The following PIP5K1B variants were observed in gnomAD, a reference collection of about 807,000 sequenced individuals.
PIP5K1B encodes the protein phosphatidylinositol-4-phosphate 5-kinase type 1 beta, also known as phosphatidylinositol 4-phosphate 5-kinase type-1 beta.
Under a neutral mutation model 67.0 loss-of-function variants are expected in PIP5K1B, and 42 were observed. That is an observed-to-expected ratio of 0.63 (90% CI 0.49 to 0.81). The LOEUF is 0.81. PIP5K1B is among the 30% of genes least tolerant of loss of function. The pLI is 0.00. For synonymous variants in PIP5K1B, 214 were observed against 231.4 expected (o/e 0.92, Z 0.68); for missense variants, 459 against 646.3 (o/e 0.71, Z 3.14).
At chr9:68,947,359 C>T (rs905076543) in intron 14 of PIP5K1B, among the ~76,000 whole-genome samples, 1 of 152,202 alleles carries the variant, frequency 6.6e-6, no homozygotes, top group African/African-American at 2.4e-5. Context: ...CCTCCAGAGA[C>T]ACTGCCCTGA....
intron 1 of PIP5K1B, among the ~76,000 whole-genome samples, chr9:68,725,951 G>A (rs764636211): frequency 5.9e-5 from 9 of 152,182 alleles, no homozygotes; most frequent in Non-Finnish European, 1.2e-4. Flanking sequence ...AGGATGATTA[G>A]TGTTTTACTT....
At chr9:68,749,739 G>A (rs1829524429) in intron 2 of PIP5K1B, among the ~76,000 whole-genome samples, 1 of 152,174 alleles carries the variant, frequency 6.6e-6, no homozygotes, top group South Asian at 2.1e-4. Flanking sequence ...AACATTCTTT[G>A]TTGTGGGGCG....
At chr9:68,979,526 T>C (rs1307007888) in intron 14 of PIP5K1B, among the ~76,000 whole-genome samples, 5 of 1,450 alleles carry the variant, frequency 3.4e-3, no homozygotes, top group Admixed American at 0.011. Flanking sequence ...GGAACCCTTT[T>C]TATATTTATA....
rs573771745 is a variant in PIP5K1B, at chr9:68,825,794, A to G, written c.69+3111A>G. The stretch of plus-strand genomic sequence containing the variant: ...ACAGTAGTCTATAATGAGGAGTTCA[A>G]AAGGGAAGAAACCAATGTTGTTAGA... On this transcript the variant is annotated intron_variant, in intron 4 of 15. Coordinates refer to ENST00000265382, the MANE Select transcript of PIP5K1B (RefSeq NM_003558.4). Among the ~76,000 whole-genome samples, 6 of 152,310 alleles carry G rather than the reference A, an allele frequency of 3.9e-5. No individual in the cohort carries two copies. The East Asian group carries it at 9.6e-4, about 24-fold the overall frequency.
chr9:68,956,296 C>A (rs951773561), intron 14 of PIP5K1B, among the ~76,000 whole-genome samples: 2 of 152,228 alleles, frequency 1.3e-5, no homozygotes, highest in East Asian at 3.9e-4. Context: ...CATGGGAAAA[C>A]CCCATCTCTA....
chr9:68,813,845 G>C (rs896440211), intron 2 of PIP5K1B, among the ~76,000 whole-genome samples: 1 of 152,158 alleles, frequency 6.6e-6, no homozygotes, highest in East Asian at 1.9e-4. Flanking sequence ...GAATTCAATC[G>C]AGTCTCAGAG....
intron 14 of PIP5K1B, chr9:68,966,665 A>G (rs1766345162): frequency 3.9e-5 from 6 of 152,264 alleles, no homozygotes; most frequent in Admixed American, 3.9e-4. Flanking sequence ...CATGGTATCC[A>G]GAGTGGGACT....
At chr9:68,899,184 C>T (rs1386132273) in intron 8 of PIP5K1B, among the ~76,000 whole-genome samples, 1 of 152,106 alleles carries the variant, frequency 6.6e-6, no homozygotes, top group African/African-American at 2.4e-5. Flanking sequence ...TCTGCTGGAC[C>T]GTTCTTCCCC....
intron 8 of PIP5K1B, among the ~76,000 whole-genome samples, chr9:68,897,305 C>T (rs1476709138): frequency 6.6e-6 from 1 of 152,216 alleles, no homozygotes; most frequent in Non-Finnish European, 1.5e-5. Flanking sequence ...CTTCTATTCA[C>T]TTATCAGCAC....
rs540036307 is a variant in PIP5K1B, at chr9:68,840,135, G to A, written c.69+17452G>A. 2.6e-5 allele frequency among the ~76,000 whole-genome samples: 4 copies of A among 152,332 alleles called. 1 individual carries two copies. In the South Asian group the frequency reaches 6.2e-4, roughly 24 times the overall value. ...CACATGCCTGTAATCCCAGCACGTT[G>A]GGAGGCCAAGGCGGGCAGATCACCT... is the stretch of plus-strand genomic sequence containing the variant. On this transcript the variant is annotated intron_variant, in intron 4 of 15. Transcript: ENST00000265382.
chr9:68,991,042 C>A, intron 14 of PIP5K1B, 98 bp from the exon 15 acceptor site: 1 of 727,992 alleles, frequency 1.4e-6, no homozygotes, highest in Non-Finnish European at 2.5e-6. Context: ...ATTGTTTATC[C>A]CCAAAAGCTG....
chr9:68,894,282 G>C (rs957047031), intron 7 of PIP5K1B, 57 bp from the exon 8 acceptor site: 30 of 1,037,302 alleles, frequency 2.9e-5, no homozygotes, highest in Admixed American at 2.1e-5. Context: ...CTTTAGTGGA[G>C]CATTATTTTG....
At chr9:68,788,318 C>T (rs779755935) in intron 2 of PIP5K1B, 9 of 810,100 alleles carry the variant, frequency 1.1e-5, no homozygotes, top group Non-Finnish European at 1.6e-5. Context: ...CAGGTTCAAA[C>T]TTGGAACTTT....
intron 2 of PIP5K1B, chr9:68,783,702 C>A (rs992796070): frequency 6.0e-6 from 1 of 167,012 alleles, no homozygotes; most frequent in Non-Finnish European, 1.5e-5. Context: ...TTATTTCTAC[C>A]TCTATTGCCA....
At chr9:68,926,654 C>T (rs915379384) in intron 12 of PIP5K1B, among the ~76,000 whole-genome samples, 1 of 152,150 alleles carries the variant, frequency 6.6e-6, no homozygotes, top group African/African-American at 2.4e-5. Context: ...TTACTGCAAC[C>T]TCTGCCTCCT....
intron 5 of PIP5K1B, among the ~76,000 whole-genome samples, chr9:68,867,904 T>C (rs7870383): frequency 0.073 from 11,094 of 152,256 alleles, 904 homozygotes; most frequent in African/African-American, 0.2. Context: ...TTTACTGCTT[T>C]CTGAAGTTGC....
intron 4 of PIP5K1B, among the ~76,000 whole-genome samples, chr9:68,827,069 A>G (rs1834026010): frequency 6.6e-6 from 1 of 152,164 alleles, no homozygotes; most frequent in Non-Finnish European, 1.5e-5. Flanking sequence ...CCACTTTTTA[A>G]GTGACTGTGC....
At chr9:68,788,149 C>T (rs1831736549) in intron 2 of PIP5K1B, among the ~76,000 whole-genome samples, 1 of 152,200 alleles carries the variant, frequency 6.6e-6, no homozygotes, top group Admixed American at 6.5e-5. Context: ...CCTGGTGACC[C>T]TTTCCTCCCT....
intron 4 of PIP5K1B, among the ~76,000 whole-genome samples, chr9:68,847,093 C>A (rs988348856): frequency 2.0e-5 from 3 of 152,092 alleles, no homozygotes; most frequent in Admixed American, 2.0e-4. Flanking sequence ...CTTATGAAGT[C>A]AGAGATTTAT....
Sources: allele counts gnomAD v4.1 joint callset (sites outside exome capture counted in the v4.1 genomes callset), GRCh38; gene constraint gnomAD v4.1.1; transcripts MANE v1.5; gene names NCBI Gene and HGNC (gene_info 2026-07-23, HGNC 2026-07-21).